The following NPAS2 variants were observed in gnomAD, a reference collection of about 807,000 sequenced individuals.
NPAS2 encodes the protein neuronal PAS domain protein 2, also known as neuronal PAS domain-containing protein 2.
NPAS2 carries 23 observed loss-of-function variants against 107.5 expected under a neutral mutation model. The observed-to-expected ratio is 0.21, with a 90% CI of 0.15 to 0.30. The LOEUF (loss-of-function observed/expected upper bound fraction) is 0.30. Ranked by LOEUF, NPAS2 falls within the 10% of genes least tolerant of loss-of-function variation. The probability of loss-of-function intolerance (pLI) is 1.00; values close to 1 mark genes in which losing one functional copy is unlikely to be tolerated. For synonymous variants in NPAS2, 403 were observed against 417.5 expected (o/e 0.97, Z 0.42); for missense variants, 756 against 1,043.3 (o/e 0.72, Z 3.79).
intron 12 of NPAS2, 104 bp from the exon 13 acceptor site, chr2:100,974,699 C>A: frequency 1.6e-6 from 2 of 1,280,796 alleles, no homozygotes; most frequent in Non-Finnish European, 2.2e-6. Context: ...TGGTATTTGT[C>A]TCAGCAGCTT....
chr2:100,995,709 C>T lies in NPAS2; in HGVS notation c.*127C>T. The T allele has an allele frequency of 5.2e-6, 8 of 1,549,706 alleles. No homozygotes were observed. Among genetic ancestry groups the T allele is most frequent in the Non-Finnish European group, 7.0e-6 (8 of 1,147,060 alleles). ...TGTGCACACTGCATACGTTTCAGAA[C>T]TCCTGGATGGTAACCATCTCTGGAG... On this transcript the variant is annotated 3_prime_UTR_variant, in exon 21 of 21. Transcript: ENST00000335681.
intron 1 of NPAS2, among the ~76,000 whole-genome samples, chr2:100,900,058 G>A (rs754763127): frequency 8.3e-4 from 126 of 152,226 alleles, no homozygotes; most frequent in Middle Eastern, 3.4e-3. Context: ...ATATATTTTA[G>A]AATACAAAAA....
Position 100,990,675 on chromosome 2 carries a change from A to T in NPAS2, c.2019-105A>T, listed in dbSNP as rs889045871. Reference sequence around the variant, plus strand: ...ATGAAGCCAGGAGAGTGGGGATTAGAGTCAACCATAAAGGGTCCAGCCAGG... The same window carrying T: ...ATGAAGCCAGGAGAGTGGGGATTAGTGTCAACCATAAAGGGTCCAGCCAGG... On this transcript the variant is annotated intron_variant, in intron 18 of 20. Coordinates refer to ENST00000335681, the MANE Select transcript of NPAS2 (RefSeq NM_002518.4). 1.1e-4 allele frequency: 121 copies of T among 1,138,948 alleles called. No individual in the cohort carries two copies. The Admixed American group carries it at 2.2e-3, about 21-fold the overall frequency. The allele number at this position is 1,138,948 out of a possible 1,614,324, so 70.6% of individuals were successfully genotyped here. A position where few individuals can be genotyped will look rare whatever the true frequency, so the allele number is the denominator to read the frequency against.
In NPAS2 at chr2:100,989,978, GCC is replaced by G. The variant is rs1020648906; in HGVS notation, c.1828-277_1828-276del. Reference sequence around the variant, plus strand: ...GTGAGTTGGAGAAACAGCCAGGAGGGCCATGTGTCTGCAGTAGAATTTGAAGC... The same window carrying G: ...GTGAGTTGGAGAAACAGCCAGGAGGGATGTGTCTGCAGTAGAATTTGAAGC... On this transcript the variant is annotated intron_variant, in intron 17 of 20. Transcript: ENST00000335681. 10 of 420,046 alleles carry G rather than the reference GCC, an allele frequency of 2.4e-5. No homozygotes were observed. The Admixed American group carries it at 2.7e-4, about 11-fold the overall frequency. The allele number at this position is 420,046 out of a possible 1,614,324, so 26.0% of individuals were successfully genotyped here.
intron 1 of NPAS2, among the ~76,000 whole-genome samples, chr2:100,867,262 T>C (rs1013620452): frequency 2.6e-5 from 4 of 152,236 alleles, no homozygotes; most frequent in Admixed American, 6.5e-5. Flanking sequence ...ATATCACTTA[T>C]GAGATATGTC....
rs116683332 is a variant in NPAS2 at position 100,931,855 on chromosome 2, C to T, written c.182-1055C>T. On this transcript the variant is annotated intron_variant, in intron 3 of 20. Transcript: ENST00000335681. ...CACTAAGATTCATTCATTCAAATGG[C>T]AGAATGCATTCCTCATGCGCCACGT... 3.0e-3 allele frequency among the ~76,000 whole-genome samples: 451 copies of T among 152,284 alleles called. 3 individuals are homozygous for T. Among genetic ancestry groups the T allele is most frequent in the African/African-American group, 0.01 (436 of 41,562 alleles).
intron 1 of NPAS2, among the ~76,000 whole-genome samples, chr2:100,869,039 G>A (rs768579125): frequency 2.6e-5 from 4 of 151,754 alleles, no homozygotes; most frequent in Non-Finnish European, 2.9e-5. Context: ...AGCGATTCTC[G>A]TGCCTCAGCC....
intron 14 of NPAS2, chr2:100,975,831 C>T (rs1053107241): frequency 4.3e-5 from 16 of 375,192 alleles, no homozygotes; most frequent in South Asian, 4.2e-4. Context: ...ACTGCAAACC[C>T]GGGGTCATAC....
chr2:100,867,790 G>A (rs140951462), intron 1 of NPAS2, among the ~76,000 whole-genome samples: 13 of 152,118 alleles, frequency 8.5e-5, no homozygotes, highest in East Asian at 5.8e-4. Flanking sequence ...ATCCTCCCTC[G>A]TAGGTCTCCC....
chr2:100,940,271 G>T (rs998939273), intron 5 of NPAS2, among the ~76,000 whole-genome samples: 1 of 152,210 alleles, frequency 6.6e-6, no homozygotes, highest in African/African-American at 2.4e-5. Flanking sequence ...GTAGCTGACT[G>T]CAGAACCCAG....
chr2:100,831,749 TCTTTA>T (rs1214528977), intron 1 of NPAS2, among the ~76,000 whole-genome samples: 2 of 152,130 alleles, frequency 1.3e-5, no homozygotes, highest in Non-Finnish European at 2.9e-5. Context: ...AATAAAATCT[TCTTTA>T]CTTTCATTTG....
intron 1 of NPAS2, among the ~76,000 whole-genome samples, chr2:100,900,610 T>A (rs1681711817): frequency 6.6e-6 from 1 of 152,218 alleles, no homozygotes; most frequent in East Asian, 1.9e-4. Flanking sequence ...CAGAGACTTC[T>A]ATATGACTCA....
At chr2:100,891,964 T>C (rs1466091126) in intron 1 of NPAS2, among the ~76,000 whole-genome samples, 1 of 152,166 alleles carries the variant, frequency 6.6e-6, no homozygotes, top group African/African-American at 2.4e-5. Flanking sequence ...AACAAAGGCT[T>C]TCACTGACTC....
At chr2:100,879,794 C>T (rs1340407148) in intron 1 of NPAS2, among the ~76,000 whole-genome samples, 1 of 152,154 alleles carries the variant, frequency 6.6e-6, no homozygotes, top group African/African-American at 2.4e-5. Flanking sequence ...TAAAAAACAA[C>T]CATCAACAAG....
chr2:100,925,710 CTT>C (rs926246659), intron 3 of NPAS2, among the ~76,000 whole-genome samples: 3 of 152,174 alleles, frequency 2.0e-5, no homozygotes, highest in Non-Finnish European at 2.9e-5. Flanking sequence ...CCCTCGAACT[CTT>C]TGGTCTTTTG....
At chr2:100,943,758 A>T (rs1358824134) in intron 5 of NPAS2, among the ~76,000 whole-genome samples, 1 of 152,226 alleles carries the variant, frequency 6.6e-6, no homozygotes, top group Non-Finnish European at 1.5e-5. Flanking sequence ...ACCTGTCCCC[A>T]TGATAAGAGA....
rs541644610 is a variant in NPAS2, at chr2:100,859,249, C to T, written c.-23+38835C>T. On this transcript the variant is annotated intron_variant, in intron 1 of 20. Coordinates refer to ENST00000335681, the MANE Select transcript of NPAS2 (RefSeq NM_002518.4). Reference sequence around the variant, plus strand: ...CTGCGCTCCAGCCTGGGTGACAGAGCGAGACTCCATCTCAAAAAAAATAGC... The same window carrying T: ...CTGCGCTCCAGCCTGGGTGACAGAGTGAGACTCCATCTCAAAAAAAATAGC... Among the ~76,000 whole-genome samples the T allele has an allele frequency of 1.6e-3, 244 of 152,042 alleles. 1 individual carries two copies. Among genetic ancestry groups the T allele is most frequent in the African/African-American group, 4.8e-3 (199 of 41,482 alleles).
At chr2:100,847,617 A>G (rs1317691491) in intron 1 of NPAS2, among the ~76,000 whole-genome samples, 3 of 152,116 alleles carry the variant, frequency 2.0e-5, no homozygotes, top group African/African-American at 7.2e-5. Context: ...TGATCCGCCC[A>G]CCTTGGCCTC....
chr2:100,964,197 T>G (rs1676079663), intron 8 of NPAS2, 21 bp downstream of exon 8: 1 of 1,435,686 alleles, frequency 7.0e-7, no homozygotes, highest in South Asian at 1.1e-5. Context: ...GAGAGGCAGT[T>G]CATTGTGCGG....
Sources: gnomAD v4.1 joint callset for allele counts (sites outside exome capture counted in the v4.1 genomes callset) on GRCh38, gnomAD v4.1.1 for gene constraint, MANE v1.5 for transcripts, NCBI Gene and HGNC (gene_info 2026-07-23, HGNC 2026-07-21) for gene names.